The following CNNM1 variants were observed in gnomAD, a reference collection of about 807,000 sequenced individuals.
CNNM1 encodes cyclin and CBS domain divalent metal cation transport mediator 1.
A neutral mutation model predicts 78.8 loss-of-function variants in CNNM1; 44 were observed. The ratio of observed to expected loss-of-function variants is 0.56; its 90% CI spans 0.44 to 0.72. The LOEUF is 0.72. Ranked by LOEUF, CNNM1 falls within the 30% of genes least tolerant of loss-of-function variation. The pLI, the probability that CNNM1 is intolerant of heterozygous loss-of-function variation, is 0.00. For synonymous variants in CNNM1, 584 were observed against 581.5 expected (o/e 1.00, Z -0.06); for missense variants, 1,101 against 1,292.2 (o/e 0.85, Z 2.27).
At chr10:99,332,179 A>C (rs73326396) in intron 1 of CNNM1, among the ~76,000 whole-genome samples, 3,025 of 152,296 alleles carry the variant, frequency 0.02, 101 homozygotes, top group African/African-American at 0.07. Context: ...AGACTATCTC[A>C]CAAACCCTGA....
intron 1 of CNNM1, among the ~76,000 whole-genome samples, chr10:99,351,985 G>T (rs530760430): frequency 6.6e-6 from 1 of 152,140 alleles, no homozygotes; most frequent in Non-Finnish European, 1.5e-5. Context: ...ATTGAGATAG[G>T]ATTCACGTAC....
intron 1 of CNNM1, among the ~76,000 whole-genome samples, chr10:99,356,350 T>A (rs566199397): frequency 6.6e-6 from 1 of 151,770 alleles, no homozygotes; most frequent in East Asian, 1.9e-4. Flanking sequence ...GTGGTGCTCA[T>A]CTGTGGTCCC....
intron 1 of CNNM1, among the ~76,000 whole-genome samples, chr10:99,354,561 A>G (rs978811504): frequency 1.3e-5 from 2 of 152,212 alleles, no homozygotes; most frequent in African/African-American, 2.4e-5. Context: ...AATGCTGTCT[A>G]GTGTAGGACA....
At chr10:99,384,488 C>T (rs555740182) in intron 7 of CNNM1, among the ~76,000 whole-genome samples, 13 of 152,188 alleles carry the variant, frequency 8.5e-5, no homozygotes, top group African/African-American at 2.9e-4. Flanking sequence ...CAGCCCCTCC[C>T]CCTCCCCACC....
intron 7 of CNNM1, 102 bp from the exon 8 acceptor site, chr10:99,387,718 T>C: frequency 8.3e-7 from 1 of 1,202,702 alleles, no homozygotes; most frequent in Non-Finnish European, 1.1e-6. Context: ...AGGCCGAGGG[T>C]TCCAAGCACC....
chr10:99,366,734 A>T (rs1372427579), intron 6 of CNNM1, among the ~76,000 whole-genome samples: 3 of 152,140 alleles, frequency 2.0e-5, no homozygotes, highest in Non-Finnish European at 2.9e-5. Flanking sequence ...GTGAGCCAAG[A>T]TCATGCCACC....
At chr10:99,340,416 A>G (rs909622239) in intron 1 of CNNM1, among the ~76,000 whole-genome samples, 2 of 152,074 alleles carry the variant, frequency 1.3e-5, no homozygotes, top group Non-Finnish European at 2.9e-5. Flanking sequence ...CATTTTTTCC[A>G]TTTATCATCC....
chr10:99,375,769 T>C (rs1306226243), intron 6 of CNNM1, among the ~76,000 whole-genome samples: 2 of 152,188 alleles, frequency 1.3e-5, no homozygotes, highest in African/African-American at 4.8e-5. Flanking sequence ...GATTTTTCAT[T>C]TGAGGCCCCT....
chr10:99,362,496 C>T, intron 4 of CNNM1, 100 bp downstream of exon 4: 1 of 1,281,002 alleles, frequency 7.8e-7, no homozygotes, highest in Non-Finnish European at 1.1e-6. Flanking sequence ...CAAGACTTGG[C>T]TGGCTGCCTC....
At chr10:99,376,927 C>T (rs1305111846) in intron 6 of CNNM1, 128 bp from the exon 7 acceptor site, 17 of 868,064 alleles carry the variant, frequency 2.0e-5, no homozygotes, top group Non-Finnish European at 2.7e-5. Context: ...GTGTTACCAT[C>T]GCCTGAAAGT....
At position 99,393,564 on chromosome 10, in the gene CNNM1, C is replaced by G. The variant is rs1445593976; in HGVS notation, c.*2048C>G. ...ATTTTAAATAGTGGAACTTTCAGCC[C>G]AGCGTTTCTGCAATGCAGAGTGAAG... On this transcript the variant is annotated 3_prime_UTR_variant, in exon 11 of 11. Transcript: ENST00000356713. 1 of 152,444 alleles carries G rather than the reference C, an allele frequency of 6.6e-6. No individual in the cohort carries two copies. The highest frequency in any genetic ancestry group is 1.5e-5 in the Non-Finnish European group (1 of 68,036). The allele number at this position is 152,444 out of a possible 1,614,324, so 9.4% of individuals were successfully genotyped here.
rs760722301 is a variant in CNNM1 at position 99,330,095 on chromosome 10, G to C, written c.708G>C (p.Ser236=). The part of the protein sequence containing the change: ...ALGALLLLAL[S]ALFSGLRLSL... ...GGGCGCTCCTGCTGCTAGCCTTGTC[G>C]GCCCTGTTCAGCGGCCTGCGCCTGA... The change falls in exon 1 of 11, where the codon TCG becomes TCC. Residue 236 remains serine (S), a synonymous_variant. Coordinates refer to ENST00000356713, the MANE Select transcript of CNNM1 (RefSeq NM_020348.3). 3.2e-6 allele frequency: 5 copies of C among 1,545,212 alleles called. No homozygotes were observed. In the East Asian group the frequency reaches 7.3e-5, roughly 23 times the overall value.
At chr10:99,371,164 G>A (rs1005199912) in intron 6 of CNNM1, among the ~76,000 whole-genome samples, 1 of 152,140 alleles carries the variant, frequency 6.6e-6, no homozygotes, top group Non-Finnish European at 1.5e-5. Context: ...TCTGGTGCTC[G>A]CACTAGATTG....
chr10:99,360,002 A>G (rs2031375706), intron 2 of CNNM1, among the ~76,000 whole-genome samples: 1 of 135,382 alleles, frequency 7.4e-6, no homozygotes, highest in Non-Finnish European at 1.6e-5. Flanking sequence ...AAGAATGAGA[A>G]CAAATTAAAT....
At chr10:99,345,654 G>A (rs182405441) in intron 1 of CNNM1, among the ~76,000 whole-genome samples, 5 of 152,308 alleles carry the variant, frequency 3.3e-5, no homozygotes, top group Admixed American at 3.3e-4. Context: ...TGAACCCAGA[G>A]AGAGAGAGTC....
chr10:99,348,241 T>C (rs1451396650), intron 1 of CNNM1, among the ~76,000 whole-genome samples: 1 of 152,050 alleles, frequency 6.6e-6, no homozygotes, highest in African/African-American at 2.4e-5. Context: ...AGATGAAGTT[T>C]TGATTCATTG....
chr10:99,330,042 C>T lies in CNNM1; in HGVS notation c.655C>T (p.Leu219=). Residue 219 remains leucine (L), a synonymous_variant, in exon 1 of 11, where the codon CTG becomes TTG. Coordinates refer to ENST00000356713, the MANE Select transcript of CNNM1 (RefSeq NM_020348.3). ...PRLYGPGGDL[L]PPAWLRALGA... ...GTTGTACGGCCCAGGCGGGGACCTGCTGCCCCCTGCGTGGCTGCGGGCGCT... is the reference window on the plus strand; with the variant it reads ...GTTGTACGGCCCAGGCGGGGACCTGTTGCCCCCTGCGTGGCTGCGGGCGCT... The T allele has an allele frequency of 6.7e-7, 1 of 1,502,618 alleles. No homozygotes were observed. The highest frequency in any genetic ancestry group is 8.8e-7 in the Non-Finnish European group (1 of 1,136,348). 93.1% of individuals were successfully genotyped at this position (1,502,618 alleles called of 1,614,324 possible). A position where few individuals can be genotyped will look rare whatever the true frequency, so the allele number is the denominator to read the frequency against.
Position 99,329,802 on chromosome 10 carries a change from T to C in CNNM1, c.415T>C (p.Trp139Arg). The C allele has an allele frequency of 6.8e-7, 1 of 1,471,626 alleles. No homozygotes were observed. Among genetic ancestry groups the C allele is most frequent in the South Asian group, 1.3e-5 (1 of 75,602 alleles). The allele number at this position is 1,471,626 out of a possible 1,614,324, so 91.2% of individuals were successfully genotyped here. ...GPQRCREQSD[W>R]ASDVEVLGPL... ...GCAGCGCTGCAGGGAGCAGAGCGACTGGGCATCGGACGTGGAAGTCCTGGG... is the reference window on the plus strand; with the variant it reads ...GCAGCGCTGCAGGGAGCAGAGCGACCGGGCATCGGACGTGGAAGTCCTGGG... Residue 139 changes from tryptophan to arginine, a missense_variant, in exon 1 of 11, where the codon TGG (tryptophan) becomes CGG (arginine). Transcript: ENST00000356713.
At chr10:99,361,161 G>A (rs2031420700) in intron 3 of CNNM1, among the ~76,000 whole-genome samples, 186 bp downstream of exon 3, 2 of 152,142 alleles carry the variant, frequency 1.3e-5, no homozygotes, top group South Asian at 4.1e-4. Context: ...TGAGCCCCAG[G>A]CCTGATCTCA....
Sources: gnomAD v4.1 joint callset for allele counts (sites outside exome capture counted in the v4.1 genomes callset) on GRCh38, gnomAD v4.1.1 for gene constraint, MANE v1.5 for transcripts, NCBI Gene and HGNC (gene_info 2026-07-23, HGNC 2026-07-21) for gene names.